Variants in PRKDC observed in about 807,000 individuals in gnomAD.
The protein encoded by PRKDC is protein kinase, DNA-activated, catalytic subunit.
Under a neutral mutation model 486.9 loss-of-function variants are expected in PRKDC, and 82 were observed. The ratio of observed to expected loss-of-function variants is 0.17; its 90% CI spans 0.14 to 0.20. PRKDC has a LOEUF of 0.20. Among genes scored for constraint, PRKDC ranks in the 10% least tolerant of loss-of-function variants. The probability of loss-of-function intolerance (pLI) is 1.00; values close to 1 mark genes in which losing one functional copy is unlikely to be tolerated. For missense variants in PRKDC, 4,504 were observed against 5,038.2 expected, an observed-to-expected ratio of 0.89 and a Z score of 3.21; for synonymous variants, 1,895 against 1,837.0, an observed-to-expected ratio of 1.03 and a Z score of -0.81.
At chr8:47,897,748 A>G (rs1441346847) in intron 29 of PRKDC, among the ~76,000 whole-genome samples, 2 of 152,196 alleles carry the variant, frequency 1.3e-5, no homozygotes, top group Admixed American at 6.5e-5. Context: ...AGGCAATTCT[A>G]ATGTATGCTA....
Position 47,881,501 on chromosome 8 carries a change from A to G in PRKDC, c.4982T>C (p.Phe1661Ser), listed in dbSNP as rs2089216030. 2 of 1,537,678 alleles carry G rather than the reference A, an allele frequency of 1.3e-6. No homozygotes were observed. Among genetic ancestry groups the G allele is most frequent in the African/African-American group, 1.4e-5 (1 of 72,732 alleles). ...AGGGAATGAACCATGACTTGTATTA[A>G]AAGATACAGATGAATCAATCTAAAG... ...KILQIDSSVSFNTSHGSFPEV... is the reference protein window; with the variant it reads ...KILQIDSSVSSNTSHGSFPEV... The change falls in exon 38 of 86, where the codon TTT becomes TCT. Residue 1661 changes from phenylalanine (F) to serine (S), a missense_variant. Phe to Ser is a radical substitution (Grantham distance 155, BLOSUM62 -2). Coordinates refer to ENST00000314191, the MANE Select transcript of PRKDC (RefSeq NM_006904.7).
chr8:47,836,457 G>T lies in PRKDC; in HGVS notation c.7832C>A (p.Ala2611Asp). ...ACGGGTCTGGAGAGTGCCCTGGGAG[G>T]CCTGGGTCTCCACAAACATCGGAGT... ...VLTPMFVETQ[A>D]SQGTLQTRTQ... Residue 2611 changes from alanine to aspartate, a missense_variant, in exon 58 of 86, where the codon GCC becomes GAC. Transcript: ENST00000314191. 2 of 1,612,196 alleles carry T rather than the reference G, an allele frequency of 1.2e-6. No individual in the cohort carries two copies. The highest frequency in any genetic ancestry group is 1.7e-6 in the Non-Finnish European group (2 of 1,179,164).
At chr8:47,888,301 AT>A (rs1400708020) in intron 34 of PRKDC, among the ~76,000 whole-genome samples, 1 of 152,122 alleles carries the variant, frequency 6.6e-6, no homozygotes, top group African/African-American at 2.4e-5. Flanking sequence ...TTTTACTTTC[AT>A]TTTATATTTA....
intron 29 of PRKDC, 149 bp from the exon 30 acceptor site, chr8:47,897,443 A>C: frequency 1.3e-6 from 1 of 755,564 alleles, no homozygotes; most frequent in South Asian, 3.8e-5. Context: ...AATGTATTAT[A>C]ATTAGATGCA....
chr8:47,875,726 T>G (rs1270116367), intron 40 of PRKDC, among the ~76,000 whole-genome samples: 3 of 152,248 alleles, frequency 2.0e-5, no homozygotes, highest in Non-Finnish European at 4.4e-5. Context: ...AATTTCCTTG[T>G]GTTGTTGAAT....
chr8:47,951,497 G>A (rs2090623985), intron 7 of PRKDC, among the ~76,000 whole-genome samples: 1 of 152,098 alleles, frequency 6.6e-6, no homozygotes, highest in Non-Finnish European at 1.5e-5. Context: ...GCCAAGGCAG[G>A]AGGATCACTT....
intron 40 of PRKDC, among the ~76,000 whole-genome samples, chr8:47,870,152 C>T (rs2088917077): frequency 6.6e-6 from 1 of 152,122 alleles, no homozygotes; most frequent in South Asian, 2.1e-4. Context: ...AGATTTGCCT[C>T]CTGCTGATTG....
At chr8:47,859,031 T>A (rs769271436) in intron 46 of PRKDC, 45 bp from the exon 47 acceptor site, 1 of 1,602,392 alleles carries the variant, frequency 6.2e-7, no homozygotes, top group Non-Finnish European at 8.5e-7. Context: ...CAGTTAACAT[T>A]CAGTGGACAA....
chr8:47,892,865 A>T (rs2089492577), intron 31 of PRKDC, among the ~76,000 whole-genome samples: 1 of 152,154 alleles, frequency 6.6e-6, no homozygotes, highest in Non-Finnish European at 1.5e-5. Context: ...CGTTTTTTTT[A>T]AGTAATATTA....
At chr8:47,874,882 C>T (rs1310755688) in intron 40 of PRKDC, among the ~76,000 whole-genome samples, 1 of 152,070 alleles carries the variant, frequency 6.6e-6, no homozygotes, top group African/African-American at 2.4e-5. Context: ...TGGCAAAACC[C>T]TGTGTGTATA....
At position 47,887,639 on chromosome 8, in the gene PRKDC, C is replaced by T. The variant is rs1188201188; in HGVS notation, c.4480G>A (p.Gly1494Arg). 6.2e-7 allele frequency: 1 copy of T among 1,608,260 alleles called. No homozygotes were observed. Among genetic ancestry groups the T allele is most frequent in the East Asian group, 2.2e-5 (1 of 44,824 alleles). ...GAAGGCAGACACTGTCTCTCATCTC[C>T]AGGGGCAATGCCTTTATAAACCAGG... ...LSLVYKGIAP[G>R]DERQCLPSLD... is the part of the protein sequence containing the mutation. Residue 1494 changes from glycine (G) to arginine (R), a missense_variant, in exon 35 of 86, where the codon GGA becomes AGA. Physicochemically the swap from Gly to Arg is moderately radical, Grantham distance 125 (BLOSUM62 -2). Coordinates refer to ENST00000314191, the MANE Select transcript of PRKDC (RefSeq NM_006904.7).
intron 7 of PRKDC, among the ~76,000 whole-genome samples, chr8:47,953,264 A>G (rs901171825): frequency 6.6e-6 from 1 of 152,188 alleles, no homozygotes; most frequent in Non-Finnish European, 1.5e-5. Context: ...CCAAGAAAGT[A>G]CCACTGCACT....
Position 47,854,068 on chromosome 8 carries a change from C to T in PRKDC, c.6893+15G>A. 6.2e-7 allele frequency: 1 copy of T among 1,612,998 alleles called. No individual in the cohort carries two copies. On this transcript the variant is annotated intron_variant, in intron 51 of 85. Transcript: ENST00000314191. ...GGGTAGACGTGACCTAAAAAATAAT[C>T]AAGCAAACACGTACTCGCTACTCTG...
rs2090356347 is a variant in PRKDC, at chr8:47,936,574, T to C, written c.1114-57A>G. Reference sequence around the variant, plus strand: ...AATCTTATCAAGATCAAAATAATATTTAAGGTGTCATGTTAAGCCATGTGA... The same window carrying C: ...AATCTTATCAAGATCAAAATAATATCTAAGGTGTCATGTTAAGCCATGTGA... On this transcript the variant is annotated intron_variant, in intron 11 of 85. Coordinates refer to ENST00000314191, the MANE Select transcript of PRKDC (RefSeq NM_006904.7). The C allele has an allele frequency of 1.9e-6, 3 of 1,582,258 alleles. No individual in the cohort carries two copies. In the Admixed American group the frequency reaches 5.1e-5, roughly 27 times the overall value.
chr8:47,899,664 A>C (rs1308319586), intron 28 of PRKDC, among the ~76,000 whole-genome samples: 1 of 152,138 alleles, frequency 6.6e-6, no homozygotes, highest in East Asian at 1.9e-4. Context: ...CAAATAAAAT[A>C]AAATAAGTCA....
At chr8:47,917,343 T>C (rs2090002879) in intron 22 of PRKDC, among the ~76,000 whole-genome samples, 1 of 152,210 alleles carries the variant, frequency 6.6e-6, no homozygotes, top group African/African-American at 2.4e-5. Context: ...CATAAAATTA[T>C]AAAAACTTTT....
chr8:47,959,041 T>C (rs550137874), intron 1 of PRKDC: 1 of 152,234 alleles, frequency 6.6e-6, no homozygotes, highest in African/African-American at 2.4e-5. Context: ...GTGCCACATA[T>C]AGCATCTAGT....
At position 47,953,636 on chromosome 8, in the gene PRKDC, A is replaced by G. The variant is rs1023471574; in HGVS notation, c.705T>C (p.Thr235=). ...AAGCAATACCTTCTTCCATGGACTT[A>G]GTGAAGTTGCACAGAAGTGAGGACA... ...KGLSSLLCNF[T]KSMEEDPQTS... is the part of the protein sequence containing the mutation. Residue 235 remains threonine (T), a synonymous_variant, in exon 7 of 86, where the codon ACT becomes ACC. Coordinates refer to ENST00000314191, the MANE Select transcript of PRKDC (RefSeq NM_006904.7). The G allele has an allele frequency of 3.7e-6, 6 of 1,613,116 alleles. No homozygotes were observed. The highest frequency in any genetic ancestry group is 1.7e-5 in the Admixed American group (1 of 59,936).
intron 60 of PRKDC, among the ~76,000 whole-genome samples, chr8:47,831,110 TC>T (rs1349017837): frequency 6.6e-6 from 1 of 152,028 alleles, no homozygotes; most frequent in Non-Finnish European, 1.5e-5. Context: ...CTGCCTCTGC[TC>T]CCAGGCAGCT....
Sources: gnomAD v4.1 joint callset for allele counts (sites outside exome capture counted in the v4.1 genomes callset) on GRCh38, gnomAD v4.1.1 for gene constraint, MANE v1.5 for transcripts, NCBI Gene and HGNC (gene_info 2026-07-23, HGNC 2026-07-21) for gene names.